Variants in PRH1 observed in about 807,000 individuals in gnomAD.
PRH1 encodes proline rich protein HaeIII subfamily 1.
PRH1 carries 7 observed loss-of-function variants against 7.9 expected under a neutral mutation model. The ratio of observed to expected loss-of-function variants is 0.89; its 90% confidence interval spans 0.50 to 1.67. The LOEUF is 1.67. PRH1 is among the 40% of genes most tolerant of loss of function. PRH1 has a pLI of 0.00. For missense variants in PRH1, 109 were observed against 223.6 expected, an observed-to-expected ratio of 0.49 and a Z score of 3.27; for synonymous variants, 45 against 80.8, an observed-to-expected ratio of 0.56 and a Z score of 2.38.
At chr12:11,106,206 C>T (rs1241404340) in intron 1 of PRH1, among the ~76,000 whole-genome samples, 1 of 46,752 alleles carries the variant, frequency 2.1e-5, no homozygotes, top group African/African-American at 6.0e-5. Context: ...TCCCAAAGTG[C>T]TGGGATTACA....
At chr12:11,120,993 C>G (rs1289291224) in exon 2 of PRH1, 1 of 154,776 alleles carries the variant, frequency 6.5e-6, no homozygotes, top group Non-Finnish European at 1.5e-5. Flanking sequence ...AAAACATATC[C>G]AAGTGCTTCG....
chr12:11,064,405 G>A (rs988163478), intron 1 of PRH1, among the ~76,000 whole-genome samples: 1 of 150,248 alleles, frequency 6.7e-6, no homozygotes, highest in Non-Finnish European at 1.5e-5. Flanking sequence ...TGTAATGATT[G>A]ATCTATCCTT....
At chr12:10,907,133 T>A (rs1949815854) in intron 2 of PRH1, among the ~76,000 whole-genome samples, 1 of 152,172 alleles carries the variant, frequency 6.6e-6, no homozygotes, top group Non-Finnish European at 1.5e-5. Context: ...GAAACACTCG[T>A]ATATTGCTGG....
chr12:10,961,718 G>T (rs1239307135), intron 2 of PRH1, among the ~76,000 whole-genome samples: 1 of 152,230 alleles, frequency 6.6e-6, no homozygotes, highest in African/African-American at 2.4e-5. Flanking sequence ...AAGCAGAACA[G>T]CAGAGATGGT....
Position 11,035,486 on chromosome 12 carries a change from A to T in PRH1, c.-126+11534T>A, listed in dbSNP as rs187902836. 1.8e-4 allele frequency among the ~76,000 whole-genome samples: 28 copies of T among 152,324 alleles called. No homozygotes were observed. The East Asian group carries it at 4.1e-3, about 22-fold the overall frequency. ...TTTGTCTTATTGTTTTAGAAGTAGA[A>T]ATGAACTTTTGTTCTCCTTATATAA... On this transcript the variant is annotated intron_variant, in intron 1 of 3. Transcript: ENST00000539853.
At chr12:11,105,629 G>C (rs924092903) in intron 1 of PRH1, among the ~76,000 whole-genome samples, 3 of 152,178 alleles carry the variant, frequency 2.0e-5, no homozygotes, top group Admixed American at 2.0e-4. Flanking sequence ...TGCCAATGAA[G>C]AGTTTTTTAA....
chr12:11,058,148 A>T (rs555989469), intron 1 of PRH1, among the ~76,000 whole-genome samples: 3 of 152,276 alleles, frequency 2.0e-5, no homozygotes, highest in South Asian at 4.1e-4. Flanking sequence ...AGGAGGGAGA[A>T]TCAACTGAGC....
At chr12:11,140,210 AAAT>A (rs1270415146) in intron 1 of PRH1, among the ~76,000 whole-genome samples, 2 of 152,110 alleles carry the variant, frequency 1.3e-5, no homozygotes, top group Non-Finnish European at 2.9e-5. Context: ...GACTTTGAAA[AAAT>A]ATAATTGTTA....
chr12:11,162,926 G>C (rs1482652278), intron 1 of PRH1, among the ~76,000 whole-genome samples: 1 of 152,056 alleles, frequency 6.6e-6, no homozygotes, highest in Non-Finnish European at 1.5e-5. Flanking sequence ...GGGATACATG[G>C]AACACTATTC....
intron 1 of PRH1, among the ~76,000 whole-genome samples, chr12:11,037,442 C>G (rs1392808627): frequency 1.3e-5 from 2 of 152,044 alleles, no homozygotes; most frequent in Admixed American, 6.5e-5. Flanking sequence ...AATATTTAAC[C>G]CAACTTACAG....
At chr12:10,958,910 G>A (rs1425884715) in intron 2 of PRH1, among the ~76,000 whole-genome samples, 1 of 152,154 alleles carries the variant, frequency 6.6e-6, no homozygotes, top group Non-Finnish European at 1.5e-5. Flanking sequence ...GGAGAAGAAT[G>A]GCATGATCAA....
chr12:10,923,657 T>C (rs150116503), intron 2 of PRH1, among the ~76,000 whole-genome samples: 6 of 152,336 alleles, frequency 3.9e-5, no homozygotes, highest in Non-Finnish European at 7.3e-5. Flanking sequence ...TGTGATTCTA[T>C]CACCAACAAA....
chr12:11,163,862 A>G (rs952839120), intron 1 of PRH1, among the ~76,000 whole-genome samples: 1 of 152,178 alleles, frequency 6.6e-6, no homozygotes, highest in Non-Finnish European at 1.5e-5. Flanking sequence ...CATAAAAAAG[A>G]AGCTGGAATA....
At chr12:10,922,039 G>C (rs989582375) in intron 2 of PRH1, among the ~76,000 whole-genome samples, 8 of 152,014 alleles carry the variant, frequency 5.3e-5, no homozygotes, top group Non-Finnish European at 1.2e-4. Flanking sequence ...CAATGTTCGG[G>C]GATTACAGGC....
intron 1 of PRH1, among the ~76,000 whole-genome samples, chr12:11,059,485 C>G (rs758302962): frequency 6.6e-6 from 1 of 152,032 alleles, no homozygotes. Context: ...AAATGAAATG[C>G]CATTTTTGTT....
intron 2 of PRH1, among the ~76,000 whole-genome samples, chr12:10,893,956 T>C (rs1949610903): frequency 6.6e-6 from 1 of 152,182 alleles, no homozygotes; most frequent in Non-Finnish European, 1.5e-5. Context: ...CATTACATTT[T>C]TAAGAGGAGA....
At chr12:10,964,604 C>A in intron 2 of PRH1, 1 of 398,892 alleles carries the variant, frequency 2.5e-6, no homozygotes, top group Non-Finnish European at 4.8e-6. Flanking sequence ...CCTAAAATTC[C>A]AAATCGATGT....
chr12:10,908,227 A>G, intron 2 of PRH1: 2 of 560,926 alleles, frequency 3.6e-6, no homozygotes, highest in South Asian at 3.3e-5. Flanking sequence ...CTTAGGTAAG[A>G]TGCTATTATA....
chr12:11,103,733 CGT>C (rs1945326273), intron 1 of PRH1, among the ~76,000 whole-genome samples: 2 of 151,774 alleles, frequency 1.3e-5, no homozygotes. Flanking sequence ...AACAAAATCT[CGT>C]GTTAAGCCAT....
Sources: allele counts gnomAD v4.1 joint callset (sites outside exome capture counted in the v4.1 genomes callset), GRCh38; gene constraint gnomAD v4.1.1; transcripts MANE v1.5; gene names NCBI Gene and HGNC (gene_info 2026-07-23, HGNC 2026-07-21).